The following EPDR1 variants were observed in gnomAD, a reference collection of about 807,000 sequenced individuals.
EPDR1 encodes the protein ependymin related 1, also known as mammalian ependymin-related protein 1.
Under a neutral mutation model 23.7 loss-of-function variants are expected in EPDR1, and 27 were observed. The observed-to-expected ratio is 1.14, with a 90% confidence interval of 0.84 to 1.57. The LOEUF (loss-of-function observed/expected upper bound fraction) is 1.57. Among genes scored for constraint, EPDR1 ranks in the 40% most tolerant of loss-of-function variants. The pLI is 0.00. For synonymous variants in EPDR1, 137 were observed against 118.2 expected, an observed-to-expected ratio of 1.16 and a Z score of -1.03; for missense variants, 349 against 290.4, an observed-to-expected ratio of 1.20 and a Z score of -1.47.
At chr7:37,926,597 G>T (rs1220276244) in intron 1 of EPDR1, 1 of 427,630 alleles carries the variant, frequency 2.3e-6, no homozygotes, top group Non-Finnish European at 4.8e-6. Context: ...TGCTTTTAAA[G>T]ATTGCAGGCC....
At chr7:37,934,930 G>T (rs1786018302) in intron 1 of EPDR1, among the ~76,000 whole-genome samples, 1 of 151,068 alleles carries the variant, frequency 6.6e-6, no homozygotes, top group African/African-American at 2.4e-5. Flanking sequence ...GGGTGACAGA[G>T]TGACACTTTG....
At chr7:37,923,387 G>A (rs62443112) in intron 1 of EPDR1, among the ~76,000 whole-genome samples, 38,492 of 151,954 alleles carry the variant, frequency 0.25, 6,137 homozygotes, top group Non-Finnish European at 0.36. Flanking sequence ...GCGTGGTGAG[G>A]GAGAGGAAAA....
intron 1 of EPDR1, among the ~76,000 whole-genome samples, chr7:37,945,232 G>C (rs1583671094): frequency 6.6e-6 from 1 of 152,272 alleles, no homozygotes; most frequent in East Asian, 1.9e-4. Context: ...CTTTTTCAAA[G>C]GGCTAACAGT....
At chr7:37,941,162 T>C (rs1416344120) in intron 1 of EPDR1, among the ~76,000 whole-genome samples, 3 of 152,142 alleles carry the variant, frequency 2.0e-5, no homozygotes, top group African/African-American at 7.2e-5. Flanking sequence ...AATCCATGAG[T>C]CCAGAGTGGT....
chr7:37,928,223 G>C (rs1476587103), intron 1 of EPDR1, among the ~76,000 whole-genome samples: 1 of 152,190 alleles, frequency 6.6e-6, no homozygotes, highest in Non-Finnish European at 1.5e-5. Flanking sequence ...GTTTCTTCCT[G>C]ATTCTGACCT....
intron 1 of EPDR1, among the ~76,000 whole-genome samples, chr7:37,932,751 G>A (rs1402866980): frequency 6.6e-6 from 1 of 152,088 alleles, no homozygotes; most frequent in Admixed American, 6.5e-5. Context: ...TACTAATGAT[G>A]CTATTTCTTT....
At chr7:37,933,944 C>T (rs1785994853) in intron 1 of EPDR1, among the ~76,000 whole-genome samples, 1 of 151,974 alleles carries the variant, frequency 6.6e-6, no homozygotes, top group African/African-American at 2.4e-5. Flanking sequence ...ATCAAGACCC[C>T]AGGCTTATCT....
At chr7:37,940,312 A>T (rs1254025654) in intron 1 of EPDR1, among the ~76,000 whole-genome samples, 3 of 152,204 alleles carry the variant, frequency 2.0e-5, no homozygotes, top group Non-Finnish European at 4.4e-5. Context: ...GGAAGAGGAG[A>T]TAGGGATGGA....
At chr7:37,924,365 A>G (rs1193897725) in intron 1 of EPDR1, among the ~76,000 whole-genome samples, 5 of 152,214 alleles carry the variant, frequency 3.3e-5, no homozygotes, top group Non-Finnish European at 5.9e-5. Context: ...ATTGATTTTC[A>G]CAATAGAGAT....
chr7:37,943,961 C>T (rs974972659), intron 1 of EPDR1, among the ~76,000 whole-genome samples: 2 of 152,240 alleles, frequency 1.3e-5, no homozygotes, highest in Non-Finnish European at 2.9e-5. Context: ...GCCCTTGATG[C>T]CACACAGGGC....
At position 37,946,502 on chromosome 7, in the gene EPDR1, CTA is replaced by C. The variant is rs1786278314; in HGVS notation, c.270-2336_270-2335del. Among the ~76,000 whole-genome samples the C allele has an allele frequency of 2.0e-5, 3 of 152,108 alleles. No individual in the cohort carries two copies. In the South Asian group the frequency reaches 6.2e-4, roughly 32 times the overall value. ...GATCAGTGATGTTGGGCTTTTTTTCCTATGTTTGTTGGCCACATGTATGTAAT... is the reference window on the plus strand; with the variant it reads ...GATCAGTGATGTTGGGCTTTTTTTCCTGTTTGTTGGCCACATGTATGTAAT... On this transcript the variant is annotated intron_variant, in intron 1 of 2. Coordinates refer to ENST00000199448, the MANE Select transcript of EPDR1 (RefSeq NM_017549.5).
intron 1 of EPDR1, among the ~76,000 whole-genome samples, chr7:37,939,425 A>T (rs1786126028): frequency 6.6e-6 from 1 of 152,182 alleles, no homozygotes; most frequent in Non-Finnish European, 1.5e-5. Context: ...TGTCACATAG[A>T]CTTTTTGTAA....
At position 37,949,613 on chromosome 7, in the gene EPDR1, A is replaced by G. The variant is rs113522635; in HGVS notation, c.478+565A>G. Among the ~76,000 whole-genome samples the G allele has an allele frequency of 7.9e-3, 1,205 of 152,300 alleles. 15 individuals are homozygous for G. The highest frequency in any genetic ancestry group is 0.028 in the African/African-American group (1,150 of 41,562). On this transcript the variant is annotated intron_variant, in intron 2 of 2. Coordinates refer to ENST00000199448, the MANE Select transcript of EPDR1 (RefSeq NM_017549.5). Reference sequence around the variant, plus strand: ...ACCCAGCAACTCCACTTCTGTATATATATATATGCCCCAAAGAATTGAACG... The same window carrying G: ...ACCCAGCAACTCCACTTCTGTATATGTATATATGCCCCAAAGAATTGAACG...
Position 37,921,024 on chromosome 7 carries a change from G to GGCCTGTGCA in EPDR1, c.91_99dup (p.Cys31_Leu33dup). 2 of 1,524,308 alleles carry GGCCTGTGCA rather than the reference G, an allele frequency of 1.3e-6. No individual in the cohort carries two copies. Among genetic ancestry groups the GGCCTGTGCA allele is most frequent in the Non-Finnish European group, 1.8e-6 (2 of 1,140,616 alleles). 94.4% of individuals were successfully genotyped at this position (1,524,308 alleles called of 1,614,324 possible). On this transcript the variant is annotated inframe_insertion, in exon 1 of 3. Coordinates refer to ENST00000199448, the MANE Select transcript of EPDR1 (RefSeq NM_017549.5). ...CGGCCTCTGGGCCTGGACCCTGTGCGGCCTGTGCAGCCTGGGGGCGGTGGG... is the reference window on the plus strand; with the variant it reads ...CGGCCTCTGGGCCTGGACCCTGTGCGGCCTGTGCAGCCTGTGCAGCCTGGGGGCGGTGGG...
At position 37,920,894 on chromosome 7, in the gene EPDR1, C is replaced by G. The variant is rs764329308; in HGVS notation, c.-46C>G. On this transcript the variant is annotated 5_prime_UTR_variant, in exon 1 of 3. Transcript: ENST00000199448. ...ACTCTGATCCCGGACGCCTCAGCGC[C>G]CCCTTGGGCTTGGGCTTGCCCTCGG... 4 of 1,611,460 alleles carry G rather than the reference C, an allele frequency of 2.5e-6. No homozygotes were observed. The African/African-American group carries it at 5.3e-5, about 22-fold the overall frequency.
chr7:37,937,477 A>G (rs1268451743), intron 1 of EPDR1, among the ~76,000 whole-genome samples: 1 of 152,238 alleles, frequency 6.6e-6, no homozygotes, highest in Non-Finnish European at 1.5e-5. Flanking sequence ...ACGCTAATTA[A>G]TTAATGATCT....
Position 37,920,901 on chromosome 7 carries a change from G to A in EPDR1, c.-39G>A. Reference sequence around the variant, plus strand: ...TCCCGGACGCCTCAGCGCCCCCTTGGGCTTGGGCTTGCCCTCGGGCCGGGG... The same window carrying A: ...TCCCGGACGCCTCAGCGCCCCCTTGAGCTTGGGCTTGCCCTCGGGCCGGGG... On this transcript the variant is annotated 5_prime_UTR_variant, in exon 1 of 3. Transcript: ENST00000199448. 6.2e-7 allele frequency: 1 copy of A among 1,611,288 alleles called. No individual in the cohort carries two copies.
intron 1 of EPDR1, among the ~76,000 whole-genome samples, chr7:37,922,305 A>G (rs1422699552): frequency 1.3e-5 from 2 of 152,232 alleles, no homozygotes; most frequent in African/African-American, 4.8e-5. Flanking sequence ...TGAAGAAAGT[A>G]CGGAAAGGGC....
At position 37,950,547 on chromosome 7, in the gene EPDR1, A is replaced by C. The variant is rs1056201707; in HGVS notation, c.*151A>C. 5 of 764,496 alleles carry C rather than the reference A, an allele frequency of 6.5e-6. No individual in the cohort carries two copies. The African/African-American group carries it at 8.8e-5, about 13-fold the overall frequency. 47.4% of individuals were successfully genotyped at this position (764,496 alleles called of 1,614,324 possible). On this transcript the variant is annotated 3_prime_UTR_variant, in exon 3 of 3. Transcript: ENST00000199448. ...TTGATGTGGGGTTTTGATGTGTCTG[A>C]TTTTGACTACTCAAGCTCTGTTTAC...
Sources: allele counts gnomAD v4.1 joint callset (sites outside exome capture counted in the v4.1 genomes callset), GRCh38; gene constraint gnomAD v4.1.1; transcripts MANE v1.5; gene names NCBI Gene and HGNC (gene_info 2026-07-23, HGNC 2026-07-21).